CHD9: variants seen among roughly 807,000 people sequenced by gnomAD.
CHD9 encodes the protein chromodomain helicase DNA binding protein 9.
Under a neutral mutation model 316.1 loss-of-function variants are expected in CHD9, and 77 were observed. The ratio of observed to expected loss-of-function variants is 0.24; its 90% CI spans 0.20 to 0.29. CHD9 has a LOEUF of 0.29. Ranked by LOEUF, CHD9 falls within the 10% of genes least tolerant of loss-of-function variation. CHD9 has a pLI of 1.00. For missense variants in CHD9, 2,763 were observed against 3,438.1 expected (o/e 0.80, Z 4.91); for synonymous variants, 1,129 against 1,158.3 (o/e 0.97, Z 0.51).
chr16:53,128,808 G>A (rs2039086074), intron 1 of CHD9, among the ~76,000 whole-genome samples: 1 of 152,128 alleles, frequency 6.6e-6, no homozygotes. Context: ...AATGTCACAA[G>A]AACTTATGTA....
At chr16:53,087,381 T>C (rs1057324910) in intron 1 of CHD9, among the ~76,000 whole-genome samples, 1 of 152,180 alleles carries the variant, frequency 6.6e-6, no homozygotes, top group Non-Finnish European at 1.5e-5. Context: ...GCAGATGCTC[T>C]ACTGCTGACT....
In CHD9 at chr16:53,156,098, T is replaced by G. The variant is rs1294219016; in HGVS notation, c.9T>G (p.Asp3Glu). The change falls in exon 2 of 39, where the codon GAT (aspartate) becomes GAG (glutamate). Residue 3 changes from aspartate (D) to glutamate (E), a missense_variant. This residue lies in a region of CHD9 where 859 missense variants were observed against 890.4 expected (regional missense o/e 0.96). Transcript: ENST00000447540. ...GTTACAGAATTTTCAAGATGACAGA[T>G]CCAATGATGGACTTTTTTGATGATG... MT[D>E]PMMDFFDDAN... The G allele has an allele frequency of 1.2e-6, 2 of 1,611,912 alleles. No individual in the cohort carries two copies. Among genetic ancestry groups the G allele is most frequent in the Non-Finnish European group, 1.7e-6 (2 of 1,178,744 alleles).
intron 1 of CHD9, among the ~76,000 whole-genome samples, chr16:53,123,203 T>C (rs1215356077): frequency 6.6e-6 from 1 of 151,264 alleles, no homozygotes; most frequent in Non-Finnish European, 1.5e-5. Flanking sequence ...TTTATTGAGA[T>C]AGTTTTATAC....
intron 10 of CHD9, 40 bp from the exon 11 acceptor site, chr16:53,235,145 G>A: frequency 1.3e-6 from 2 of 1,528,466 alleles, no homozygotes; most frequent in Admixed American, 2.1e-5. Context: ...ATGATATATG[G>A]AAGATTTAAA....
intron 24 of CHD9, among the ~76,000 whole-genome samples, chr16:53,277,608 A>T (rs959922913): frequency 2.0e-5 from 3 of 152,150 alleles, no homozygotes; most frequent in African/African-American, 7.2e-5. Flanking sequence ...ATGTAATAAA[A>T]GCAATCTATA....
chr16:53,143,112 T>G (rs1341897461), intron 1 of CHD9, among the ~76,000 whole-genome samples: 2 of 152,150 alleles, frequency 1.3e-5, no homozygotes, highest in Non-Finnish European at 2.9e-5. Flanking sequence ...AATCACCTGT[T>G]ATTAGGCCCC....
In CHD9 at chr16:53,072,320, C is replaced by CTT. The variant is rs35193137; in HGVS notation, c.-165+17255_-165+17256dup. On this transcript the variant is annotated intron_variant, in intron 1 of 38. Coordinates refer to ENST00000447540, the MANE Select transcript of CHD9 (RefSeq NM_001308319.2). Reference sequence around the variant, plus strand: ...CTACTTTGGAAGGAAAGCCATAAGTCTTTTTTTTTTTTTATAATTGGGATC... The same window carrying CTT: ...CTACTTTGGAAGGAAAGCCATAAGTCTTTTTTTTTTTTTTTATAATTGGGATC... 7.9e-3 allele frequency among the ~76,000 whole-genome samples: 1,133 copies of CTT among 143,992 alleles called. 18 individuals carry two copies. Among genetic ancestry groups the CTT allele is most frequent in the African/African-American group, 0.025 (957 of 38,772 alleles). 94.5% of individuals were successfully genotyped at this position (143,992 alleles called of 152,430 possible). A position where few individuals can be genotyped will look rare whatever the true frequency, so the allele number is the denominator to read the frequency against.
intron 2 of CHD9, chr16:53,208,330 A>G: frequency 7.8e-7 from 1 of 1,280,936 alleles, no homozygotes; most frequent in Non-Finnish European, 1.0e-6. Context: ...GTCTTCAGTG[A>G]AGAGGCCAAG....
chr16:53,288,255 G>T (rs570926055), intron 27 of CHD9, among the ~76,000 whole-genome samples: 2 of 152,266 alleles, frequency 1.3e-5, no homozygotes, highest in South Asian at 2.1e-4. Flanking sequence ...AATGGGGCTT[G>T]CCCACCTGCT....
chr16:53,269,548 G>T (rs1176244441), intron 22 of CHD9, among the ~76,000 whole-genome samples: 1 of 152,116 alleles, frequency 6.6e-6, no homozygotes, highest in African/African-American at 2.4e-5. Flanking sequence ...TAGATAGGGT[G>T]GTCAGTGTAG....
At chr16:53,233,980 T>C (rs1304437902) in intron 10 of CHD9, among the ~76,000 whole-genome samples, 1 of 152,144 alleles carries the variant, frequency 6.6e-6, no homozygotes, top group African/African-American at 2.4e-5. Context: ...TGAATTCTCA[T>C]TCAGGAATCT....
intron 1 of CHD9, among the ~76,000 whole-genome samples, chr16:53,070,485 TTTCTTTCCTTCCTTCC>T (rs912343504): frequency 1.4e-5 from 2 of 147,998 alleles, no homozygotes; most frequent in African/African-American, 5.2e-5. Context: ...TCTTTCTTTC[TTTCTTTCCTTCCTTCC>T]TTCCTTCCTT....
At position 53,287,922 on chromosome 16, in the gene CHD9, T is replaced by TA. The variant is rs2054022156; in HGVS notation, c.5190-34dup. 7 of 1,515,068 alleles carry TA rather than the reference T, an allele frequency of 4.6e-6. No individual in the cohort carries two copies. In the East Asian group the frequency reaches 1.6e-4, roughly 34 times the overall value. 93.9% of individuals were successfully genotyped at this position (1,515,068 alleles called of 1,614,324 possible). On this transcript the variant is annotated intron_variant, in intron 26 of 38. Coordinates refer to ENST00000447540, the MANE Select transcript of CHD9 (RefSeq NM_001308319.2). ...CTATCAAGTGAAATCTTAAGTCCAT[T>TA]ACAGTAATTATAGCATTTGTTTGTA...
At chr16:53,240,561 A>G (rs1244945682) in intron 12 of CHD9, among the ~76,000 whole-genome samples, 1 of 152,108 alleles carries the variant, frequency 6.6e-6, no homozygotes, top group Non-Finnish European at 1.5e-5. Context: ...CTGCACTTCA[A>G]ATATAGAAAT....
In CHD9 at chr16:53,304,540, C is replaced by T. The variant is rs1254516758; in HGVS notation, c.6534C>T (p.Ser2178=). The change falls in exon 31 of 39, where the codon TCC becomes TCT. Residue 2178 remains serine (S), a synonymous_variant. Transcript: ENST00000447540. ...SSSCSSASSS[S]SSSTSSSSSS... ...CTTGTTCTTCAGCATCTTCTTCATC[C>T]TCTTCCTCCACCTCTTCCTCCTCCT... The T allele has an allele frequency of 3.9e-6, 6 of 1,545,766 alleles. No individual in the cohort carries two copies. Among genetic ancestry groups the T allele is most frequent in the Admixed American group, 3.9e-5 (2 of 50,998 alleles).
intron 2 of CHD9, among the ~76,000 whole-genome samples, chr16:53,202,863 A>G (rs555125380): frequency 1.2e-4 from 18 of 152,332 alleles, no homozygotes; most frequent in African/African-American, 3.8e-4. Context: ...ATTTGTGAGC[A>G]TGGTAGTTCA....
In CHD9 at chr16:53,060,920, C is replaced by CTTT. The variant is rs549828992; in HGVS notation, c.-165+5864_-165+5866dup. Among the ~76,000 whole-genome samples the CTTT allele has an allele frequency of 3.8e-3, 379 of 99,360 alleles. 6 individuals carry two copies. Among genetic ancestry groups the CTTT allele is most frequent in the African/African-American group, 1.0e-2 (249 of 24,902 alleles). The allele number at this position is 99,360 out of a possible 152,430, so 65.2% of individuals were successfully genotyped here. A position where few individuals can be genotyped will look rare whatever the true frequency, so the allele number is the denominator to read the frequency against. On this transcript the variant is annotated intron_variant, in intron 1 of 38. Coordinates refer to ENST00000447540, the MANE Select transcript of CHD9 (RefSeq NM_001308319.2). ...TAGGTGACAGGGCAAGATGTTGTCT[C>CTTT]TTTTTTTTTTTTTTTTTTTTTTTGA... is the stretch of plus-strand genomic sequence containing the variant.
chr16:53,271,709 C>A (rs896118394), intron 22 of CHD9, among the ~76,000 whole-genome samples: 1 of 151,674 alleles, frequency 6.6e-6, no homozygotes. Context: ...ACCATGACTT[C>A]GAAAGAATAA....
intron 2 of CHD9, among the ~76,000 whole-genome samples, chr16:53,176,927 G>A (rs1474948351): frequency 2.0e-5 from 3 of 152,096 alleles, no homozygotes; most frequent in Non-Finnish European, 2.9e-5. Flanking sequence ...ATCCAATGAT[G>A]TTAGTGGTGA....
Sources: allele counts gnomAD v4.1 joint callset (sites outside exome capture counted in the v4.1 genomes callset), GRCh38; gene constraint gnomAD v4.1.1; regional missense constraint gnomAD v4.1.1; transcripts MANE v1.5; gene names NCBI Gene and HGNC (gene_info 2026-07-23, HGNC 2026-07-21).